The following GALNTL6 variants were observed in gnomAD, a reference collection of about 807,000 sequenced individuals.
The protein encoded by GALNTL6 is polypeptide N-acetylgalactosaminyltransferase-like 6.
In GALNTL6, 46 loss-of-function variants were observed where a neutral mutation model predicts 73.7. The ratio of observed to expected loss-of-function variants is 0.62; its 90% CI spans 0.49 to 0.80. The LOEUF is 0.80. Ranked by LOEUF, GALNTL6 falls within the 30% of genes least tolerant of loss-of-function variation. GALNTL6 has a pLI of 0.00. For missense variants in GALNTL6, 604 were observed against 755.0 expected (o/e 0.80, Z 2.34); for synonymous variants, 259 against 263.7 (o/e 0.98, Z 0.17).
intron 2 of GALNTL6, among the ~76,000 whole-genome samples, chr4:172,136,969 AC>A (rs1733653726): frequency 6.6e-6 from 1 of 152,074 alleles, no homozygotes; most frequent in Non-Finnish European, 1.5e-5. Context: ...CCATGGAATT[AC>A]CTTTATTTTC....
chr4:172,562,991 T>C (rs1233686648), intron 5 of GALNTL6, among the ~76,000 whole-genome samples: 1 of 152,210 alleles, frequency 6.6e-6, no homozygotes, highest in Non-Finnish European at 1.5e-5. Context: ...GCACACAGTG[T>C]TCCTATAGCT....
At chr4:172,253,726 T>C (rs1737960239) in intron 3 of GALNTL6, among the ~76,000 whole-genome samples, 1 of 151,966 alleles carries the variant, frequency 6.6e-6, no homozygotes, top group Non-Finnish European at 1.5e-5. Flanking sequence ...AAGAGTATAA[T>C]ATAATCAGCA....
chr4:172,973,344 T>G (rs1044064088), intron 10 of GALNTL6, among the ~76,000 whole-genome samples: 2 of 152,194 alleles, frequency 1.3e-5, no homozygotes, highest in African/African-American at 4.8e-5. Flanking sequence ...ATTCTTTTTA[T>G]AAAACCAAAA....
chr4:172,434,363 CACATT>C (rs1370338668), intron 5 of GALNTL6, among the ~76,000 whole-genome samples: 1 of 152,092 alleles, frequency 6.6e-6, no homozygotes, highest in East Asian at 1.9e-4. Context: ...GTATAGTTGA[CACATT>C]ACATTACCCT....
intron 2 of GALNTL6, among the ~76,000 whole-genome samples, chr4:172,209,626 A>G (rs1579257673): frequency 6.6e-6 from 1 of 152,086 alleles, no homozygotes; most frequent in African/African-American, 2.4e-5. Context: ...ACTGAATTCA[A>G]ATAAACACAT....
At chr4:172,056,106 G>T (rs1446133889) in intron 2 of GALNTL6, among the ~76,000 whole-genome samples, 1 of 152,084 alleles carries the variant, frequency 6.6e-6, no homozygotes, top group Non-Finnish European at 1.5e-5. Context: ...TTAAAAATCT[G>T]CTATTAAGAA....
At position 172,952,060 on chromosome 4, in the gene GALNTL6, C is replaced by T. The variant is rs575271829; in HGVS notation, c.1173C>T (p.Thr391=). 3.7e-6 allele frequency: 6 copies of T among 1,613,926 alleles called. No individual in the cohort carries two copies. The South Asian group carries it at 6.6e-5, about 18-fold the overall frequency. Residue 391 remains threonine (T), a synonymous_variant, in exon 10 of 13, where the codon ACC becomes ACT. Coordinates refer to ENST00000506823, the MANE Select transcript of GALNTL6 (RefSeq NM_001034845.3). ...LARNLKRVAE[T]WMDEFAEYIY... is the part of the protein sequence containing the mutation. The stretch of plus-strand genomic sequence containing the variant: ...AGAACCTGAAGCGGGTAGCTGAGAC[C>T]TGGATGGATGAATTTGCCGAGTACA...
chr4:172,582,520 A>C (rs1737229881), intron 5 of GALNTL6, among the ~76,000 whole-genome samples: 1 of 152,198 alleles, frequency 6.6e-6, no homozygotes, highest in African/African-American at 2.4e-5. Context: ...GGGGAACCTG[A>C]AGATATTAAA....
At chr4:172,767,245 A>C (rs1344982683) in intron 5 of GALNTL6, among the ~76,000 whole-genome samples, 1 of 152,254 alleles carries the variant, frequency 6.6e-6, no homozygotes, top group Non-Finnish European at 1.5e-5. Flanking sequence ...AAGAACACTT[A>C]TCAGAAAACT....
chr4:172,380,793 T>G (rs146600369), intron 5 of GALNTL6, among the ~76,000 whole-genome samples: 1 of 152,236 alleles, frequency 6.6e-6, no homozygotes, highest in South Asian at 2.1e-4. Context: ...ACAATAGACA[T>G]TTAGAACATC....
intron 5 of GALNTL6, among the ~76,000 whole-genome samples, chr4:172,546,842 TA>T (rs1735790334): frequency 1.6e-4 from 1 of 6,168 alleles, no homozygotes; most frequent in African/African-American, 5.0e-4. Flanking sequence ...TTGTAAAATA[TA>T]CACAACATTA....
At position 172,348,589 on chromosome 4, in the gene GALNTL6, A is replaced by G. The variant is rs139562129; in HGVS notation, c.453A>G (p.Glu151=). The G allele has an allele frequency of 1.1e-4, 176 of 1,611,860 alleles. No homozygotes were observed. The highest frequency in any genetic ancestry group is 1.5e-4 in the Non-Finnish European group (171 of 1,178,122). The change falls in exon 5 of 13, where the codon GAA becomes GAG. Residue 151 remains glutamate, a synonymous_variant. Coordinates refer to ENST00000506823, the MANE Select transcript of GALNTL6 (RefSeq NM_001034845.3). ...NTSIIIPFHN[E]GWTSLLRTIH... ...GCATCATTATCCCATTTCATAATGA[A>G]GGTTGGACTTCACTCCTGCGGACCA...
intron 11 of GALNTL6, among the ~76,000 whole-genome samples, chr4:173,011,027 C>T (rs905134358): frequency 1.3e-5 from 2 of 152,142 alleles, no homozygotes; most frequent in African/African-American, 4.8e-5. Context: ...TTGTTATTGC[C>T]TATCTTTTGG....
At chr4:172,001,688 T>C (rs1412013978) in intron 2 of GALNTL6, among the ~76,000 whole-genome samples, 1 of 152,152 alleles carries the variant, frequency 6.6e-6, no homozygotes. Flanking sequence ...GTAAGTCCGC[T>C]CTATGCAAGC....
intron 2 of GALNTL6, among the ~76,000 whole-genome samples, chr4:171,831,828 A>C (rs988489165): frequency 6.6e-6 from 1 of 151,750 alleles, no homozygotes; most frequent in Non-Finnish European, 1.5e-5. Context: ...TAACTTTCTA[A>C]TGGTGTTACC....
intron 8 of GALNTL6, among the ~76,000 whole-genome samples, chr4:172,884,995 T>G (rs1322643741): frequency 6.6e-6 from 1 of 152,188 alleles, no homozygotes; most frequent in Non-Finnish European, 1.5e-5. Context: ...TCTGTTTTTA[T>G]GCCAGTACCA....
intron 3 of GALNTL6, among the ~76,000 whole-genome samples, chr4:172,252,439 T>C (rs1228204216): frequency 6.6e-6 from 1 of 152,126 alleles, no homozygotes. Flanking sequence ...GAATAAAATA[T>C]TCTGCAAAGA....
At chr4:171,903,799 G>A (rs1329841835) in intron 2 of GALNTL6, among the ~76,000 whole-genome samples, 1 of 152,072 alleles carries the variant, frequency 6.6e-6, no homozygotes, top group African/African-American at 2.4e-5. Flanking sequence ...GGAGATCTGA[G>A]AACGGGCAGA....
At chr4:172,340,547 G>A (rs376642636) in intron 4 of GALNTL6, among the ~76,000 whole-genome samples, 1 of 152,112 alleles carries the variant, frequency 6.6e-6, no homozygotes, top group South Asian at 2.1e-4. Flanking sequence ...TTTTTATTTG[G>A]TATCAGACAT....
Sources: allele counts gnomAD v4.1 joint callset (sites outside exome capture counted in the v4.1 genomes callset), GRCh38; gene constraint gnomAD v4.1.1; transcripts MANE v1.5; gene names NCBI Gene and HGNC (gene_info 2026-07-23, HGNC 2026-07-21).